The following PXDNL variants were observed in gnomAD, a reference collection of about 807,000 sequenced individuals.
PXDNL encodes peroxidasin like, also known as probable oxidoreductase PXDNL.
Under a neutral mutation model 150.8 loss-of-function variants are expected in PXDNL, and 145 were observed. That is an observed-to-expected ratio of 0.96 (90% confidence interval 0.84 to 1.10). The LOEUF (loss-of-function observed/expected upper bound fraction) is 1.10, where lower values mean the gene tolerates loss of function less well. Ranked by LOEUF, PXDNL falls within the 50% of genes least tolerant of loss-of-function variation. The pLI is 0.00. For synonymous variants in PXDNL, 757 were observed against 725.7 expected, an observed-to-expected ratio of 1.04 and a Z score of -0.69; for missense variants, 2,087 against 1,873.9, an observed-to-expected ratio of 1.11 and a Z score of -2.10.
intron 1 of PXDNL, among the ~76,000 whole-genome samples, chr8:51,729,907 A>G (rs1390528079): frequency 1.3e-5 from 2 of 152,232 alleles, no homozygotes; most frequent in African/African-American, 4.8e-5. Context: ...GTGACACACT[A>G]TGGCATTCAG....
At chr8:51,520,377 G>A (rs1811635234) in intron 4 of PXDNL, among the ~76,000 whole-genome samples, 1 of 150,192 alleles carries the variant, frequency 6.7e-6, no homozygotes, top group African/African-American at 2.5e-5. Flanking sequence ...ACTGGAACCT[G>A]GCTGCGGGGA....
intron 8 of PXDNL, among the ~76,000 whole-genome samples, chr8:51,463,307 T>C (rs997654374): frequency 6.6e-6 from 1 of 152,182 alleles, no homozygotes. Context: ...ATAGTCTAAA[T>C]GGTCCATTAA....
intron 1 of PXDNL, among the ~76,000 whole-genome samples, chr8:51,689,155 G>A (rs1815937028): frequency 6.6e-6 from 1 of 152,206 alleles, no homozygotes; most frequent in South Asian, 2.1e-4. Context: ...CCAGCCACAG[G>A]TCAAGGATGA....
chr8:51,470,422 A>C (rs1410391080), intron 8 of PXDNL, among the ~76,000 whole-genome samples: 2 of 152,140 alleles, frequency 1.3e-5, no homozygotes, highest in Non-Finnish European at 2.9e-5. Flanking sequence ...TATACAAACA[A>C]GCAAAAAAAA....
chr8:51,808,162 T>A (rs1056983360), intron 1 of PXDNL, among the ~76,000 whole-genome samples: 31 of 152,228 alleles, frequency 2.0e-4, no homozygotes, highest in African/African-American at 7.2e-4. Flanking sequence ...GCAATGATCC[T>A]CTTAAACATT....
chr8:51,601,679 C>G (rs1813724837), intron 2 of PXDNL, among the ~76,000 whole-genome samples: 1 of 151,944 alleles, frequency 6.6e-6, no homozygotes, highest in Admixed American at 6.6e-5. Flanking sequence ...ACTTGCCACT[C>G]TGTGCCTTTA....
At chr8:51,744,344 AAGAG>A (rs1326528969) in intron 1 of PXDNL, among the ~76,000 whole-genome samples, 3 of 150,842 alleles carry the variant, frequency 2.0e-5, no homozygotes, top group South Asian at 4.2e-4. Context: ...GAAAGAGAGA[AAGAG>A]AGAAAGAAAA....
intron 20 of PXDNL, chr8:51,340,034 T>C: frequency 4.7e-6 from 1 of 213,984 alleles, no homozygotes; most frequent in South Asian, 1.1e-4. Flanking sequence ...GTATTACATA[T>C]ATATTTGATA....
At chr8:51,405,073 G>A (rs1318455645) in intron 17 of PXDNL, among the ~76,000 whole-genome samples, 1 of 152,160 alleles carries the variant, frequency 6.6e-6, no homozygotes, top group African/African-American at 2.4e-5. Flanking sequence ...ACTGCCTGGG[G>A]CCGGCAGCCC....
chr8:51,799,026 G>C (rs962073239), intron 1 of PXDNL, among the ~76,000 whole-genome samples: 2 of 152,154 alleles, frequency 1.3e-5, no homozygotes, highest in Non-Finnish European at 2.9e-5. Flanking sequence ...AGAAAATGTA[G>C]TACATATACA....
At chr8:51,561,640 G>A (rs10113054) in intron 3 of PXDNL, among the ~76,000 whole-genome samples, 45,196 of 151,764 alleles carry the variant, frequency 0.3, 9,365 homozygotes, top group African/African-American at 0.59. Flanking sequence ...CAAATACTAT[G>A]TGATTCCTCT....
intron 1 of PXDNL, among the ~76,000 whole-genome samples, chr8:51,784,008 A>C (rs1046558356): frequency 1.8e-4 from 5 of 27,904 alleles, no homozygotes; most frequent in Non-Finnish European, 3.0e-3. Context: ...CTTTCCCCCA[A>C]AAAAAAATCA....
intron 3 of PXDNL, among the ~76,000 whole-genome samples, chr8:51,564,539 G>A (rs771367407): frequency 6.6e-6 from 1 of 151,072 alleles, no homozygotes; most frequent in Non-Finnish European, 1.5e-5. Flanking sequence ...CCTCAAGTAG[G>A]CACACTGGTG....
Position 51,453,548 on chromosome 8 carries a change from A to C in PXDNL, c.1220T>G (p.Val407Gly). Residue 407 changes from valine to glycine, a missense_variant, in exon 10 of 23, where the codon GTT becomes GGT. Physicochemically the swap from Val to Gly is moderately radical, Grantham distance 109 (BLOSUM62 -3). Transcript: ENST00000356297. ...TCHANNSHGT[V>G]QAAANIIVQA... ...TACAATTATGTTTGCTGCAGCTTGA[A>C]CAGTGCCGTGGCTATTGTTGGCATG... 1.2e-6 allele frequency: 2 copies of C among 1,614,028 alleles called. No individual in the cohort carries two copies. The highest frequency in any genetic ancestry group is 1.7e-6 in the Non-Finnish European group (2 of 1,179,894).
At chr8:51,724,696 C>A (rs915303643) in intron 1 of PXDNL, among the ~76,000 whole-genome samples, 1 of 152,098 alleles carries the variant, frequency 6.6e-6, no homozygotes, top group Non-Finnish European at 1.5e-5. Context: ...TTGTGTGGGT[C>A]GCCCCAGCCC....
chr8:51,647,778 T>C (rs746226522), intron 2 of PXDNL, among the ~76,000 whole-genome samples: 1 of 152,166 alleles, frequency 6.6e-6, no homozygotes, highest in Non-Finnish European at 1.5e-5. Flanking sequence ...ATGGGCTTTA[T>C]TAAATCACAG....
rs184804303 is a variant in PXDNL, at chr8:51,683,667, G to T, written c.165-28907C>A. On this transcript the variant is annotated intron_variant, in intron 1 of 22. Coordinates refer to ENST00000356297, the MANE Select transcript of PXDNL (RefSeq NM_144651.5). ...ACCAAAGAAGCTCCCCTAAGAGGTG[G>T]TTTTTTCTTGTCTTCTCCTCTAAGC... is the stretch of plus-strand genomic sequence containing the variant. Among the ~76,000 whole-genome samples the T allele has an allele frequency of 1.3e-3, 204 of 152,170 alleles. No homozygotes were observed. In the East Asian group the frequency reaches 0.014, roughly 10 times the overall value.
chr8:51,367,009 G>A (rs961761448), intron 19 of PXDNL, among the ~76,000 whole-genome samples: 4 of 147,710 alleles, frequency 2.7e-5, no homozygotes, highest in African/African-American at 5.0e-5. Flanking sequence ...GCTGAGGCAG[G>A]GGAATCGCTT....
chr8:51,423,852 A>G, intron 13 of PXDNL, 121 bp from the exon 14 acceptor site: 1 of 840,858 alleles, frequency 1.2e-6, no homozygotes, highest in Non-Finnish European at 1.8e-6. Flanking sequence ...GCTGTGTGTC[A>G]AGTACTGGAG....
Sources: gnomAD v4.1 joint callset for allele counts (sites outside exome capture counted in the v4.1 genomes callset) on GRCh38, gnomAD v4.1.1 for gene constraint, MANE v1.5 for transcripts, NCBI Gene and HGNC (gene_info 2026-07-23, HGNC 2026-07-21) for gene names.